NCKIPSD: variants seen among roughly 807,000 people sequenced by gnomAD.
The protein encoded by NCKIPSD is NCK-interacting protein with SH3 domain.
NCKIPSD carries 48 observed loss-of-function variants against 73.4 expected under a neutral mutation model. The ratio of observed to expected loss-of-function variants is 0.65; its 90% CI spans 0.52 to 0.83. NCKIPSD has a LOEUF of 0.83. Ranked by LOEUF, NCKIPSD falls within the 40% of genes least tolerant of loss-of-function variation. The pLI is 0.00. For synonymous variants in NCKIPSD, 422 were observed against 403.6 expected (o/e 1.05, Z -0.54); for missense variants, 884 against 970.2 (o/e 0.91, Z 1.18).
intron 1 of NCKIPSD, among the ~76,000 whole-genome samples, chr3:48,684,368 C>T (rs1477266529): frequency 6.6e-6 from 1 of 152,154 alleles, no homozygotes; most frequent in Non-Finnish European, 1.5e-5. Context: ...AGGACTTTTC[C>T]TCAGAGGCCT....
Position 48,685,768 on chromosome 3 carries a change from T to C in NCKIPSD, c.40A>G (p.Asn14Asp). 6.5e-7 allele frequency: 1 copy of C among 1,532,624 alleles called. No individual in the cohort carries two copies. The highest frequency in any genetic ancestry group is 8.7e-7 in the Non-Finnish European group (1 of 1,148,836). 94.9% of individuals were successfully genotyped at this position (1,532,624 alleles called of 1,614,324 possible). Residue 14 changes from asparagine to aspartate, a missense_variant, in exon 1 of 13, where the codon AAC becomes GAC. Physicochemically the swap from Asn to Asp is conservative, Grantham distance 23. Coordinates refer to ENST00000294129, the MANE Select transcript of NCKIPSD (RefSeq NM_016453.4). ...TCGCCCGCGGCGAACGCCAGCGCGT[T>C]GGGCTCCGCCGAGCGGAACGCGTAC... ...ALYAFRSAEP[N>D]ALAFAAGETF...
chr3:48,683,322 AG>A, intron 1 of NCKIPSD, among the ~76,000 whole-genome samples: 1 of 152,344 alleles, frequency 6.6e-6, no homozygotes, highest in South Asian at 2.1e-4. Flanking sequence ...AACATAGCCC[AG>A]GGGCTCCCAG....
Position 48,678,951 on chromosome 3 carries a change from A to T in NCKIPSD, c.1718T>A (p.Ile573Asn). 1.9e-6 allele frequency: 3 copies of T among 1,614,096 alleles called. No individual in the cohort carries two copies. Among genetic ancestry groups the T allele is most frequent in the Non-Finnish European group, 2.5e-6 (3 of 1,180,020 alleles). ...GGCGTGTTTGCTCAGGGCAGCCATG[A>T]TGACATTCTGGTCAGCAGCTAAGGA... The part of the protein sequence containing the change: ...LHLPAADQNV[I>N]MAALSKHANV... Residue 573 changes from isoleucine to asparagine, a missense_variant, in exon 11 of 13, where the codon ATC (isoleucine) becomes AAC (asparagine). Ile to Asn is a moderately radical substitution (Grantham distance 149). Coordinates refer to ENST00000294129, the MANE Select transcript of NCKIPSD (RefSeq NM_016453.4).
intron 12 of NCKIPSD, among the ~76,000 whole-genome samples, chr3:48,676,530 G>A (rs960345038): frequency 6.6e-6 from 1 of 152,120 alleles, no homozygotes; most frequent in South Asian, 2.1e-4. Context: ...GCCCAGGCTG[G>A]AGTGCAATGA....
chr3:48,681,102 C>A lies in NCKIPSD; in HGVS notation c.1092+185G>T, dbSNP rs2077344483. On this transcript the variant is annotated intron_variant, in intron 5 of 12. Coordinates refer to ENST00000294129, the MANE Select transcript of NCKIPSD (RefSeq NM_016453.4). ...CCTTGTGGCCCTTGTCCAGGCTGCG[C>A]ATCTGCCTGGAATGCTTGTCCTTCC... 3 of 909,620 alleles carry A rather than the reference C, an allele frequency of 3.3e-6. No homozygotes were observed. In the Admixed American group the frequency reaches 7.9e-5, roughly 24 times the overall value. The allele number at this position is 909,620 out of a possible 1,614,324, so 56.3% of individuals were successfully genotyped here.
chr3:48,678,591 G>A lies in NCKIPSD; in HGVS notation c.1938C>T (p.His646=). The A allele has an allele frequency of 6.2e-7, 1 of 1,613,784 alleles. No individual in the cohort carries two copies. The highest frequency in any genetic ancestry group is 8.5e-7 in the Non-Finnish European group (1 of 1,179,868). Residue 646 remains histidine (H), a synonymous_variant, in exon 12 of 13, where the codon CAC becomes CAT. Coordinates refer to ENST00000294129, the MANE Select transcript of NCKIPSD (RefSeq NM_016453.4). ...MMALIDITVR[H]IADLSPGDKL... is the part of the protein sequence containing the mutation. ...TGTCTCCTGGTGACAGGTCTGCGAT[G>A]TGCCGCACAGTGATGTCAATGAGAG...
rs1237777180 is a variant in NCKIPSD, at chr3:48,681,899, C to T, written c.599-119G>A. 4 of 1,459,242 alleles carry T rather than the reference C, an allele frequency of 2.7e-6. No homozygotes were observed. In the East Asian group the frequency reaches 9.9e-5, roughly 36 times the overall value. The allele number at this position is 1,459,242 out of a possible 1,614,324, so 90.4% of individuals were successfully genotyped here. ...GTTTCTCTGCTAGGCACTGCCTCCT[C>T]ACAAAGCCCAGAGCCCCTAATTGCC... On this transcript the variant is annotated intron_variant, in intron 4 of 12. Transcript: ENST00000294129.
In NCKIPSD at chr3:48,680,113, T is replaced by G; in HGVS notation, c.1209A>C (p.Leu403=). The change falls in exon 6 of 13, where the codon CTA becomes CTC. Residue 403 remains leucine, a synonymous_variant. Coordinates refer to ENST00000294129, the MANE Select transcript of NCKIPSD (RefSeq NM_016453.4). ...KDDAQQRSWA[L]YEDEGVIRCY... is the part of the protein sequence containing the mutation. Reference sequence around the variant, plus strand: ...AGCGGATGACACCCTCATCCTCATATAGTGCCCAACTGCGCTGCTGGGCGT... The same window carrying G: ...AGCGGATGACACCCTCATCCTCATAGAGTGCCCAACTGCGCTGCTGGGCGT... The G allele has an allele frequency of 6.2e-7, 1 of 1,614,118 alleles. No homozygotes were observed. The highest frequency in any genetic ancestry group is 8.5e-7 in the Non-Finnish European group (1 of 1,180,004).
rs2077222546 is a variant in NCKIPSD, at chr3:48,674,507, C to A, written c.*37G>T. 1.9e-6 allele frequency: 3 copies of A among 1,555,572 alleles called. No homozygotes were observed. The South Asian group carries it at 3.5e-5, about 18-fold the overall frequency. ...GCCAAGCCCCTGAGTCCCCTGCACA[C>A]TGACTGGAGCTGCAGGGAAGGGAGG... On this transcript the variant is annotated 3_prime_UTR_variant, in exon 13 of 13. Coordinates refer to ENST00000294129, the MANE Select transcript of NCKIPSD (RefSeq NM_016453.4).
At chr3:48,676,309 A>G (rs758997825) in intron 12 of NCKIPSD, among the ~76,000 whole-genome samples, 1 of 152,168 alleles carries the variant, frequency 6.6e-6, no homozygotes, top group Non-Finnish European at 1.5e-5. Context: ...TGTCCCTACC[A>G]GAATGAGCAG....
At chr3:48,677,028 C>T (rs1461460937) in intron 12 of NCKIPSD, among the ~76,000 whole-genome samples, 2 of 150,660 alleles carry the variant, frequency 1.3e-5, no homozygotes, top group Non-Finnish European at 3.0e-5. Context: ...CCACCCACCT[C>T]AGCCTCCCAA....
intron 12 of NCKIPSD, among the ~76,000 whole-genome samples, chr3:48,675,527 T>TAA (rs1559489976): frequency 1.7e-5 from 1 of 58,996 alleles, no homozygotes. Flanking sequence ...TATATATATA[T>TAA]GATATATATA....
rs750233971 is a variant in NCKIPSD at position 48,683,068 on chromosome 3, C to T, written c.172-56G>A. On this transcript the variant is annotated intron_variant, in intron 1 of 12. Transcript: ENST00000294129. Reference sequence around the variant, plus strand: ...TGAAGGCCAAACGGAGGTGCTCAGCCCAGGCCCAGCCCGAGATAGAACCCA... The same window carrying T: ...TGAAGGCCAAACGGAGGTGCTCAGCTCAGGCCCAGCCCGAGATAGAACCCA... 6.5e-6 allele frequency: 10 copies of T among 1,542,766 alleles called. No individual in the cohort carries two copies. In the Admixed American group the frequency reaches 7.8e-5, roughly 12 times the overall value.
chr3:48,674,795 C>A, intron 12 of NCKIPSD, 48 bp from the exon 13 acceptor site: 3 of 1,591,328 alleles, frequency 1.9e-6, no homozygotes, highest in Non-Finnish European at 2.6e-6. Flanking sequence ...GGTACTGCAA[C>A]CACCACTGGA....
chr3:48,673,844 T>C lies in NCKIPSD; in HGVS notation c.*700A>G. ...TCCCAAGATCATACAGGGAAGCCTG[T>C]TTCCAGATGCCTGTGATTTATTTCC... On this transcript the variant is annotated 3_prime_UTR_variant, in exon 13 of 13. Transcript: ENST00000294129. The C allele has an allele frequency of 9.7e-7, 1 of 1,034,860 alleles. No individual in the cohort carries two copies. Among genetic ancestry groups the C allele is most frequent in the South Asian group, 4.6e-5 (1 of 21,684 alleles). The allele number at this position is 1,034,860 out of a possible 1,614,324, so 64.1% of individuals were successfully genotyped here. A position where few individuals can be genotyped will look rare whatever the true frequency, so the allele number is the denominator to read the frequency against.
intron 4 of NCKIPSD, 107 bp downstream of exon 4, chr3:48,681,938 C>T: frequency 6.7e-7 from 1 of 1,481,602 alleles, no homozygotes; most frequent in Non-Finnish European, 9.1e-7. Context: ...AAATGGGAGT[C>T]CTGTCCTCTT....
Position 48,680,197 on chromosome 3 carries a change from G to C in NCKIPSD, c.1125C>G (p.Val375=), listed in dbSNP as rs2077328173. The C allele has an allele frequency of 6.2e-7, 1 of 1,613,440 alleles. No individual in the cohort carries two copies. Among genetic ancestry groups the C allele is most frequent in the Non-Finnish European group, 8.5e-7 (1 of 1,179,822 alleles). ...CCTCCAGCCTCTGCTGGTCGTGGCAGACCTGCCCTGAGGGCAGGGCCATGC... is the reference window on the plus strand; with the variant it reads ...CCTCCAGCCTCTGCTGGTCGTGGCACACCTGCCCTGAGGGCAGGGCCATGC... ...DLSMALPSGQ[V]CHDQQRLEVI... The change falls in exon 6 of 13, where the codon GTC becomes GTG. Residue 375 remains valine, a synonymous_variant. Transcript: ENST00000294129.
At chr3:48,682,834 A>G (rs2077377490) in intron 2 of NCKIPSD, 69 bp downstream of exon 2, 29 of 1,511,236 alleles carry the variant, frequency 1.9e-5, no homozygotes, top group Non-Finnish European at 2.4e-5. Context: ...CTGCCCCATG[A>G]CACTCATTGA....
chr3:48,679,963 A>T lies in NCKIPSD; in HGVS notation c.1264-76T>A, dbSNP rs114067341. ...AGCCGCACAAGAGAGGGCTGAGCAC[A>T]TATGTGTAGGGGAGACTCCTAGCAC... is the stretch of plus-strand genomic sequence containing the variant. On this transcript the variant is annotated intron_variant, in intron 6 of 12. Transcript: ENST00000294129. 13 of 1,612,068 alleles carry T rather than the reference A, an allele frequency of 8.1e-6. No individual in the cohort carries two copies. The African/African-American group carries it at 1.3e-4, about 17-fold the overall frequency.
Sources: allele counts gnomAD v4.1 joint callset (sites outside exome capture counted in the v4.1 genomes callset), GRCh38; gene constraint gnomAD v4.1.1; transcripts MANE v1.5; gene names NCBI Gene and HGNC (gene_info 2026-07-23, HGNC 2026-07-21).